Variants in NBEA observed in about 807,000 individuals in gnomAD.
The protein encoded by NBEA is neurobeachin, also known as lysosomal-trafficking regulator 2.
Under a neutral mutation model 343.4 loss-of-function variants are expected in NBEA, and 44 were observed. That is an observed-to-expected ratio of 0.13 (90% CI 0.10 to 0.16). The LOEUF (loss-of-function observed/expected upper bound fraction) is 0.16, where lower values mean the gene tolerates loss of function less well. Among genes scored for constraint, NBEA ranks in the 10% least tolerant of loss-of-function variants. The pLI is 1.00. For synonymous variants in NBEA, 1,175 were observed against 1,238.7 expected (o/e 0.95, Z 1.08); for missense variants, 2,555 against 3,631.3 (o/e 0.70, Z 7.62).
At chr13:35,300,897 T>A (rs1283073622) in intron 35 of NBEA, among the ~76,000 whole-genome samples, 1 of 152,190 alleles carries the variant, frequency 6.6e-6, no homozygotes, top group East Asian at 1.9e-4. Flanking sequence ...CACCCAATAC[T>A]GTGTACTGTT....
intron 38 of NBEA, among the ~76,000 whole-genome samples, chr13:35,427,888 G>A (rs1423841309): frequency 1.3e-5 from 2 of 152,188 alleles, no homozygotes; most frequent in Admixed American, 6.5e-5. Context: ...TCAGACTGCT[G>A]TGCTAGCAAT....
intron 41 of NBEA, among the ~76,000 whole-genome samples, chr13:35,489,142 C>T (rs1194043756): frequency 3.3e-5 from 5 of 150,926 alleles, no homozygotes; most frequent in Admixed American, 6.6e-5. Context: ...GACATCTAGG[C>T]AATAAAAGAC....
At chr13:35,254,010 T>C (rs796639458) in intron 34 of NBEA, among the ~76,000 whole-genome samples, 53 of 152,274 alleles carry the variant, frequency 3.5e-4, no homozygotes, top group African/African-American at 1.2e-3. Flanking sequence ...GTCAACTACA[T>C]TTTTTGTTTC....
chr13:35,111,528 TC>T (rs1284366879), intron 13 of NBEA, among the ~76,000 whole-genome samples: 1 of 152,080 alleles, frequency 6.6e-6, no homozygotes, highest in Non-Finnish European at 1.5e-5. Flanking sequence ...CATGTTTTCT[TC>T]CAGTGTTTCT....
chr13:35,665,829 T>C (rs2085325013), intron 56 of NBEA, among the ~76,000 whole-genome samples: 1 of 152,176 alleles, frequency 6.6e-6, no homozygotes, highest in Non-Finnish European at 1.5e-5. Flanking sequence ...GGTTTCACCA[T>C]GTTGGCCAGG....
intron 11 of NBEA, among the ~76,000 whole-genome samples, chr13:35,104,648 T>C (rs2065826952): frequency 6.6e-6 from 1 of 151,988 alleles, no homozygotes; most frequent in Non-Finnish European, 1.5e-5. Flanking sequence ...TCTTAACTAA[T>C]AACAGGTTAC....
At chr13:35,443,300 T>C (rs917944027) in intron 39 of NBEA, among the ~76,000 whole-genome samples, 1 of 152,068 alleles carries the variant, frequency 6.6e-6, no homozygotes, top group Admixed American at 6.5e-5. Context: ...TTATGTAATA[T>C]AGTCATGTGC....
intron 6 of NBEA, among the ~76,000 whole-genome samples, chr13:35,054,754 G>T (rs2063190711): frequency 7.0e-6 from 1 of 142,730 alleles, no homozygotes; most frequent in Admixed American, 7.4e-5. Context: ...AGTGATTCTT[G>T]TGCCTCAGCC....
intron 2 of NBEA, among the ~76,000 whole-genome samples, chr13:35,043,742 G>C (rs1261015227): frequency 6.6e-6 from 1 of 151,736 alleles, no homozygotes. Flanking sequence ...AGCATACTAA[G>C]TTTCCATTTT....
chr13:34,986,840 G>T (rs2060566506), intron 1 of NBEA, among the ~76,000 whole-genome samples: 1 of 150,690 alleles, frequency 6.6e-6, no homozygotes, highest in Non-Finnish European at 1.5e-5. Context: ...TGCAACCCCT[G>T]CTTTTTTTTG....
intron 35 of NBEA, among the ~76,000 whole-genome samples, chr13:35,294,310 A>T (rs1373365665): frequency 1.3e-5 from 2 of 151,258 alleles, no homozygotes; most frequent in Admixed American, 1.3e-4. Context: ...CTCCAGTGTG[A>T]TACAGTTGAG....
chr13:35,272,412 TA>T (rs2034235379), intron 34 of NBEA, among the ~76,000 whole-genome samples: 1 of 152,044 alleles, frequency 6.6e-6, no homozygotes, highest in Non-Finnish European at 1.5e-5. Flanking sequence ...TGCCAAATTG[TA>T]AAGACCCTCA....
intron 1 of NBEA, among the ~76,000 whole-genome samples, chr13:34,953,691 G>GA (rs896714416): frequency 6.6e-6 from 1 of 152,042 alleles, no homozygotes; most frequent in African/African-American, 2.4e-5. Context: ...AAATATATGA[G>GA]AAAAAAATGG....
chr13:35,662,361 C>T (rs998213055), intron 55 of NBEA, among the ~76,000 whole-genome samples: 1 of 152,210 alleles, frequency 6.6e-6, no homozygotes, highest in Non-Finnish European at 1.5e-5. Flanking sequence ...GGCGGTCCAC[C>T]TGCACCTCCC....
chr13:34,963,710 C>A (rs1222861241), intron 1 of NBEA, among the ~76,000 whole-genome samples: 1 of 151,638 alleles, frequency 6.6e-6, no homozygotes, highest in Non-Finnish European at 1.5e-5. Flanking sequence ...TTTCTTCCCC[C>A]CCCCGATATA....
rs549274644 is a variant in NBEA, at chr13:35,244,921, G to A, written c.5776+12302G>A. On this transcript the variant is annotated intron_variant, in intron 34 of 58. Transcript: ENST00000379939. ...TCGGCCTGGTCACTGTTGGTGTATA[G>A]CAGAGCTACTGATTCGTCTACATTA... Among the ~76,000 whole-genome samples the A allele has an allele frequency of 1.7e-4, 26 of 152,170 alleles. No homozygotes were observed. The South Asian group carries it at 2.3e-3, about 13-fold the overall frequency.
chr13:35,295,977 A>G (rs1173081994), intron 35 of NBEA, among the ~76,000 whole-genome samples: 1 of 152,164 alleles, frequency 6.6e-6, no homozygotes, highest in Non-Finnish European at 1.5e-5. Context: ...GCTACCTGTG[A>G]TACATACAAT....
intron 1 of NBEA, among the ~76,000 whole-genome samples, chr13:35,011,017 G>A (rs191585706): frequency 6.6e-6 from 1 of 151,770 alleles, no homozygotes; most frequent in East Asian, 1.9e-4. Context: ...GAATGATCTA[G>A]CAGGTCAAAG....
At chr13:35,407,107 C>A (rs1246773188) in intron 38 of NBEA, among the ~76,000 whole-genome samples, 2 of 148,368 alleles carry the variant, frequency 1.3e-5, no homozygotes, top group Non-Finnish European at 3.0e-5. Context: ...GTACAGGCAC[C>A]CGCCACCACA....
Sources: gnomAD v4.1 joint callset for allele counts (sites outside exome capture counted in the v4.1 genomes callset) on GRCh38, gnomAD v4.1.1 for gene constraint, MANE v1.5 for transcripts, NCBI Gene and HGNC (gene_info 2026-07-23, HGNC 2026-07-21) for gene names.